CARD8: variants seen among roughly 807,000 people sequenced by gnomAD.
CARD8 encodes caspase recruitment domain-containing protein 8.
CARD8 carries 38 observed loss-of-function variants against 53.2 expected under a neutral mutation model. The observed-to-expected ratio is 0.71, with a 90% CI of 0.55 to 0.94. The LOEUF (loss-of-function observed/expected upper bound fraction) is 0.94, where lower values mean the gene tolerates loss of function less well. Among genes scored for constraint, CARD8 ranks in the 40% least tolerant of loss-of-function variants. The pLI is 0.00. For missense variants in CARD8, 561 were observed against 655.5 expected, an observed-to-expected ratio of 0.86 and a Z score of 1.57; for synonymous variants, 245 against 244.9, an observed-to-expected ratio of 1.00 and a Z score of 0.00.
chr19:48,255,138 C>T (rs1234501031), intron 1 of CARD8, among the ~76,000 whole-genome samples: 3 of 152,130 alleles, frequency 2.0e-5, no homozygotes, highest in Non-Finnish European at 4.4e-5. Flanking sequence ...GAGGCCAAGG[C>T]GGGCTGATCT....
In CARD8 at chr19:48,228,885, T is replaced by C. The variant is rs529294858; in HGVS notation, c.1035+1553A>G. On this transcript the variant is annotated intron_variant, in intron 10 of 13. Coordinates refer to ENST00000651546, the MANE Select transcript of CARD8 (RefSeq NM_001184900.3). ...CGGGCGCGGTGGCTCATGCCTGTAA[T>C]CCCAGAACTTCGGGAGGCTGAGGTG... is the stretch of plus-strand genomic sequence containing the variant. Among the ~76,000 whole-genome samples the C allele has an allele frequency of 5.3e-5, 8 of 152,232 alleles. 1 individual carries two copies. The South Asian group carries it at 6.2e-4, about 12-fold the overall frequency.
At position 48,249,765 on chromosome 19, in the gene CARD8, G is replaced by A. The variant is rs1253587119; in HGVS notation, c.-169C>T. On this transcript the variant is annotated 5_prime_UTR_variant, in exon 2 of 14. Transcript: ENST00000651546. ...GCAGCGCTTACCATGTGAGTTTCAG[G>A]AGCCCCAGGGTGCAGGAAGGAGGAG... 1 of 152,482 alleles carries A rather than the reference G, an allele frequency of 6.6e-6. No individual in the cohort carries two copies. The highest frequency in any genetic ancestry group is 1.5e-5 in the Non-Finnish European group (1 of 68,196). 9.4% of individuals were successfully genotyped at this position (152,482 alleles called of 1,614,324 possible). A position where few individuals can be genotyped will look rare whatever the true frequency, so the allele number is the denominator to read the frequency against.
Position 48,211,543 on chromosome 19 carries a change from A to C in CARD8, c.*167T>G, listed in dbSNP as rs958523630. ...TCTTGAGGAAAATGCATGAGGATAC[A>C]GTCAATAGGTACATGCCAGGTTACA... On this transcript the variant is annotated 3_prime_UTR_variant, in exon 14 of 14. Transcript: ENST00000651546. 12 of 632,984 alleles carry C rather than the reference A, an allele frequency of 1.9e-5. No homozygotes were observed. The highest frequency in any genetic ancestry group is 3.3e-5 in the Non-Finnish European group (12 of 367,106). The allele number at this position is 632,984 out of a possible 1,614,324, so 39.2% of individuals were successfully genotyped here.
chr19:48,240,009 C>G (rs1036602540), intron 4 of CARD8, among the ~76,000 whole-genome samples: 2 of 152,160 alleles, frequency 1.3e-5, no homozygotes, highest in African/African-American at 4.8e-5. Flanking sequence ...CTACCTTTAT[C>G]ACCTGACACC....
intron 5 of CARD8, among the ~76,000 whole-genome samples, chr19:48,237,522 T>C (rs1022296763): frequency 2.0e-5 from 3 of 151,836 alleles, no homozygotes; most frequent in Non-Finnish European, 2.9e-5. Context: ...ATCGGCTGGG[T>C]GCAGCGACTC....
chr19:48,225,416 G>A (rs575496124), intron 10 of CARD8, among the ~76,000 whole-genome samples: 1 of 152,044 alleles, frequency 6.6e-6, no homozygotes, highest in African/African-American at 2.4e-5. Context: ...GCTTGAACCC[G>A]GTAGGCAGAG....
chr19:48,251,413 T>G (rs2046920661), intron 1 of CARD8, among the ~76,000 whole-genome samples: 1 of 152,208 alleles, frequency 6.6e-6, no homozygotes, highest in South Asian at 2.1e-4. Flanking sequence ...GGTAAACTAT[T>G]GTGTGATCCG....
chr19:48,230,121 G>A (rs1007075784), intron 10 of CARD8, among the ~76,000 whole-genome samples: 1 of 151,814 alleles, frequency 6.6e-6, no homozygotes, highest in African/African-American at 2.4e-5. Flanking sequence ...TCTAAAAAAA[G>A]AAAAAAACAA....
At chr19:48,232,142 T>C (rs1417957451) in intron 7 of CARD8, 2 of 552,612 alleles carry the variant, frequency 3.6e-6, no homozygotes, top group African/African-American at 3.8e-5. Context: ...CACTTTCTGC[T>C]GGTGAGGAAA....
intron 3 of CARD8, among the ~76,000 whole-genome samples, chr19:48,243,293 G>A (rs1304606584): frequency 6.6e-6 from 1 of 152,108 alleles, no homozygotes; most frequent in Non-Finnish European, 1.5e-5. Flanking sequence ...GATTACAGAC[G>A]TGAGCCATTG....
intron 3 of CARD8, among the ~76,000 whole-genome samples, chr19:48,247,094 C>T (rs913152557): frequency 3.4e-5 from 5 of 148,924 alleles, no homozygotes; most frequent in Admixed American, 2.0e-4. Flanking sequence ...GAGGCCAAGC[C>T]GGGTAGATCA....
At chr19:48,237,515 G>A (rs1374798416) in intron 5 of CARD8, among the ~76,000 whole-genome samples, 1 of 151,968 alleles carries the variant, frequency 6.6e-6, no homozygotes, top group Non-Finnish European at 1.5e-5. Flanking sequence ...AAGTATTATC[G>A]GCTGGGTGCA....
intron 3 of CARD8, among the ~76,000 whole-genome samples, chr19:48,248,630 A>G (rs375413607): frequency 1.6e-3 from 250 of 152,350 alleles, no homozygotes; most frequent in Non-Finnish European, 2.7e-3. Flanking sequence ...CTCGTAAACC[A>G]GTAGTGGAGA....
intron 11 of CARD8, among the ~76,000 whole-genome samples, chr19:48,221,002 G>GCA (rs2040485700): frequency 9.4e-6 from 1 of 106,186 alleles, no homozygotes; most frequent in African/African-American, 3.2e-5. Flanking sequence ...AGGAAAGAAA[G>GCA]AAAGAAAAAG....
intron 7 of CARD8, 50 bp from the exon 8 acceptor site, chr19:48,231,860 T>C (rs1292460092): frequency 1.3e-6 from 2 of 1,573,584 alleles, no homozygotes; most frequent in South Asian, 1.1e-5. Context: ...GGAAGAGGCA[T>C]GGCCTGAAGG....
At position 48,230,613 on chromosome 19, in the gene CARD8, A is replaced by G. The variant is rs769157600; in HGVS notation, c.860T>C (p.Phe287Ser). ...VLEHPARVEP[F>S]YAVLESPSFS... Reference sequence around the variant, plus strand: ...GCTGGGGCTTTCCAGGACAGCATAGAAAGGCTCCACCCGGGCTGGATGCTC... The same window carrying G: ...GCTGGGGCTTTCCAGGACAGCATAGGAAGGCTCCACCCGGGCTGGATGCTC... The change falls in exon 10 of 14, where the codon TTC becomes TCC. Residue 287 changes from phenylalanine (F) to serine (S), a missense_variant. Coordinates refer to ENST00000651546, the MANE Select transcript of CARD8 (RefSeq NM_001184900.3). 1 of 1,614,150 alleles carries G rather than the reference A, an allele frequency of 6.2e-7. No homozygotes were observed. The highest frequency in any genetic ancestry group is 8.5e-7 in the Non-Finnish European group (1 of 1,180,028).
At chr19:48,246,255 A>AGTCAACATGCCCCGTCCTT (rs1165270233) in intron 3 of CARD8, among the ~76,000 whole-genome samples, 1 of 152,148 alleles carries the variant, frequency 6.6e-6, no homozygotes, top group African/African-American at 2.4e-5. Flanking sequence ...TTCTGTGTTC[A>AGTCAACATGCCCCGTCCTT]GTCAACATGC....
chr19:48,239,127 A>G (rs1436511639), intron 4 of CARD8, among the ~76,000 whole-genome samples: 1 of 152,204 alleles, frequency 6.6e-6, no homozygotes, highest in Non-Finnish European at 1.5e-5. Context: ...AGTTGTTTGC[A>G]CAACACTGAA....
chr19:48,220,845 C>A (rs190509086), intron 11 of CARD8, among the ~76,000 whole-genome samples: 2 of 151,146 alleles, frequency 1.3e-5, no homozygotes, highest in Non-Finnish European at 3.0e-5. Flanking sequence ...TGGGAGGCGG[C>A]GGTTGTAGTG....
Sources: allele counts gnomAD v4.1 joint callset (sites outside exome capture counted in the v4.1 genomes callset), GRCh38; gene constraint gnomAD v4.1.1; transcripts MANE v1.5; gene names NCBI Gene and HGNC (gene_info 2026-07-23, HGNC 2026-07-21).